Variants in SAMD5 observed in about 807,000 individuals in gnomAD.
SAMD5 encodes the protein sterile alpha motif domain containing 5.
Under a neutral mutation model 11.3 loss-of-function variants are expected in SAMD5, and 13 were observed. That is an observed-to-expected ratio of 1.15 (90% CI 0.75 to 1.83). SAMD5 has a LOEUF of 1.83. Among genes scored for constraint, SAMD5 ranks in the 40% most tolerant of loss-of-function variants. The pLI, the probability that SAMD5 is intolerant of heterozygous loss-of-function variation, is 0.00. For missense variants in SAMD5, 255 were observed against 239.1 expected (o/e 1.07, Z -0.44); for synonymous variants, 129 against 111.3 (o/e 1.16, Z -1.00).
chr6:147,874,335 C>T, the SAMD5 span, among the ~76,000 whole-genome samples: 1 of 152,126 alleles, frequency 6.6e-6, no homozygotes, highest in African/African-American at 2.4e-5. Flanking sequence ...GAAGAACATG[C>T]CCATGTGTTG....
At position 147,601,356 on chromosome 6, in the gene SAMD5, G is replaced by T. The variant is rs547643983; in HGVS notation, c.162+91969G>T. Among the ~76,000 whole-genome samples the T allele has an allele frequency of 4.0e-5, 6 of 150,518 alleles. No homozygotes were observed. The East Asian group carries it at 1.2e-3, about 29-fold the overall frequency. The stretch of plus-strand genomic sequence containing the variant: ...TAAATCAGATTTTTTTTTTTTGCTG[G>T]ACTATAGGCAACTATTTCATTCAGA... On this transcript the variant is annotated intron_variant, in intron 1 of 1. Coordinates refer to the SAMD5 transcript ENST00000566741.
intron 1 of SAMD5, among the ~76,000 whole-genome samples, chr6:147,519,363 C>T (rs913627597): frequency 6.6e-6 from 1 of 152,094 alleles, no homozygotes; most frequent in Non-Finnish European, 1.5e-5. Context: ...CTCATTCCTT[C>T]TTTAGTTTTA....
At chr6:147,646,657 T>C (rs1176510526) in intron 1 of SAMD5, among the ~76,000 whole-genome samples, 4 of 152,214 alleles carry the variant, frequency 2.6e-5, no homozygotes, top group Admixed American at 2.6e-4. Flanking sequence ...TCAGAATTAT[T>C]TCTTTTAGAA....
the SAMD5 span, among the ~76,000 whole-genome samples, chr6:147,906,635 G>A: frequency 0.014 from 2,197 of 152,292 alleles, 53 homozygotes; most frequent in African/African-American, 0.041. Context: ...AGGATAATTC[G>A]TAAGTCATTT....
intron 1 of SAMD5, among the ~76,000 whole-genome samples, chr6:147,680,543 A>G (rs1485231371): frequency 1.3e-5 from 2 of 152,054 alleles, no homozygotes; most frequent in African/African-American, 4.8e-5. Context: ...AACCTCCATT[A>G]CTATGTTTAA....
At chr6:147,668,528 T>G (rs1790753177) in intron 1 of SAMD5, among the ~76,000 whole-genome samples, 1 of 152,116 alleles carries the variant, frequency 6.6e-6, no homozygotes, top group Admixed American at 6.5e-5. Flanking sequence ...TCACATGACT[T>G]TTTGGTTTCC....
the SAMD5 span, among the ~76,000 whole-genome samples, chr6:147,794,103 G>T: frequency 6.6e-6 from 1 of 152,106 alleles, no homozygotes; most frequent in African/African-American, 2.4e-5. Flanking sequence ...GGGAAAAAAT[G>T]CATCTGTCTT....
At chr6:147,695,780 C>A (rs893307331) in intron 1 of SAMD5, among the ~76,000 whole-genome samples, 5 of 152,158 alleles carry the variant, frequency 3.3e-5, no homozygotes, top group African/African-American at 9.7e-5. Context: ...GTAAAGGGCA[C>A]AGCAGAGACA....
chr6:147,900,222 G>A, the SAMD5 span, among the ~76,000 whole-genome samples: 41 of 152,226 alleles, frequency 2.7e-4, no homozygotes, highest in African/African-American at 9.4e-4. Flanking sequence ...TGGAGGATCG[G>A]TCAAAGGAGG....
At chr6:147,754,324 G>A in the SAMD5 span, among the ~76,000 whole-genome samples, 1 of 145,862 alleles carries the variant, frequency 6.9e-6, no homozygotes, top group Admixed American at 6.9e-5. Flanking sequence ...CACTTTTTAT[G>A]TGCCTGTTTG....
chr6:147,555,584 A>G (rs1218273392), intron 1 of SAMD5, among the ~76,000 whole-genome samples: 1 of 152,206 alleles, frequency 6.6e-6, no homozygotes, highest in Non-Finnish European at 1.5e-5. Context: ...TTTAAAATAT[A>G]TTGAATAATG....
intron 1 of SAMD5, chr6:147,730,072 C>T (rs1406683363): frequency 8.4e-6 from 2 of 237,894 alleles, no homozygotes; most frequent in Non-Finnish European, 1.6e-5. Flanking sequence ...GTGACTCTGT[C>T]TCAAAAAAAA....
At chr6:147,870,482 G>GTGTGTGTGTGTGTGTGTGTGTGTGTA in the SAMD5 span, among the ~76,000 whole-genome samples, 78 of 135,330 alleles carry the variant, frequency 5.8e-4, no homozygotes, top group Non-Finnish European at 9.7e-4. Context: ...GTGTGTGTGT[G>GTGTGTGTGTGTGTGTGTGTGTGTGTA]TATATATATA....
chr6:147,520,152 C>A (rs1167015429), intron 1 of SAMD5, among the ~76,000 whole-genome samples: 1 of 146,438 alleles, frequency 6.8e-6, no homozygotes, highest in Non-Finnish European at 1.5e-5. Context: ...GAGTCTCGCT[C>A]TGTTGCCCAG....
chr6:147,623,423 A>G (rs921487309), intron 1 of SAMD5, among the ~76,000 whole-genome samples: 26 of 152,220 alleles, frequency 1.7e-4, no homozygotes, highest in Admixed American at 6.5e-4. Context: ...TTGTATATCC[A>G]TATTTTAGGA....
intron 1 of SAMD5, among the ~76,000 whole-genome samples, chr6:147,670,705 T>C (rs540967992): frequency 1.3e-5 from 2 of 152,350 alleles, no homozygotes; most frequent in East Asian, 3.9e-4. Context: ...CTTCTTAGAA[T>C]TGAAGAGAGT....
At position 147,515,176 on chromosome 6, in the gene SAMD5, GTTTTTTTTTTTTTT is replaced by G. The variant is rs71031029; in HGVS notation, c.459+5807_459+5820del. ...ATACCCTCAACCTATATCCTTCCAG[GTTTTTTTTTTTTTT>G]TTTTTTTTTTTTTTTTTGCTTTCAG... On this transcript the variant is annotated intron_variant, in intron 1 of 1. Coordinates refer to ENST00000367474, the MANE Select transcript of SAMD5 (RefSeq NM_001030060.3). Among the ~76,000 whole-genome samples the G allele has an allele frequency of 8.0e-5, 6 of 75,036 alleles. No homozygotes were observed. In the South Asian group the frequency reaches 2.4e-3, roughly 31 times the overall value. The allele number at this position is 75,036 out of a possible 152,430, so 49.2% of individuals were successfully genotyped here.
rs758485967 is a variant in SAMD5, at chr6:147,727,665, CT to C, written c.163-9639del. Reference sequence around the variant, plus strand: ...GGCCACTAGAGACTTAGGCATCTGGCTTTTTTTTTTTTTCCCCAGATTGGTC... The same window carrying C: ...GGCCACTAGAGACTTAGGCATCTGGCTTTTTTTTTTTTCCCCAGATTGGTC... On this transcript the variant is annotated intron_variant, in intron 1 of 1. Coordinates refer to the SAMD5 transcript ENST00000566741. Among the ~76,000 whole-genome samples the C allele has an allele frequency of 4.8e-3, 683 of 142,588 alleles. 2 individuals carry two copies. The highest frequency in any genetic ancestry group is 0.018 in the Middle Eastern group (5 of 272). 93.5% of individuals were successfully genotyped at this position (142,588 alleles called of 152,430 possible).
chr6:147,687,279 T>C (rs1167209590), intron 1 of SAMD5, among the ~76,000 whole-genome samples: 1 of 110,436 alleles, frequency 9.1e-6, no homozygotes, highest in Non-Finnish European at 1.9e-5. Context: ...CCTCCTTCTT[T>C]TTTTTTTTTT....
Sources: allele counts gnomAD v4.1 joint callset (sites outside exome capture counted in the v4.1 genomes callset), GRCh38; gene constraint gnomAD v4.1.1; transcripts MANE v1.5; gene names NCBI Gene and HGNC (gene_info 2026-07-23, HGNC 2026-07-21).